Variants in BANK1 observed in about 807,000 individuals in gnomAD.
BANK1 encodes the protein B-cell scaffold protein with ankyrin repeats.
In BANK1, 95 loss-of-function variants were observed where a neutral mutation model predicts 94.5. That is an observed-to-expected ratio of 1.00 (90% CI 0.85 to 1.19). The LOEUF (loss-of-function observed/expected upper bound fraction) is 1.19. Among genes scored for constraint, BANK1 ranks in the 50% most tolerant of loss-of-function variants. The pLI is 0.00. For missense variants in BANK1, 987 were observed against 932.2 expected, an observed-to-expected ratio of 1.06 and a Z score of -0.77; for synonymous variants, 334 against 308.4, an observed-to-expected ratio of 1.08 and a Z score of -0.87.
chr4:102,073,077 A>G (rs1365701878), intron 15 of BANK1, among the ~76,000 whole-genome samples: 1 of 152,004 alleles, frequency 6.6e-6, no homozygotes, highest in Non-Finnish European at 1.5e-5. Flanking sequence ...TAATGAACGA[A>G]TTTTAATTTT....
At chr4:101,974,793 C>CAA (rs5860706) in intron 7 of BANK1, among the ~76,000 whole-genome samples, 9 of 146,498 alleles carry the variant, frequency 6.1e-5, no homozygotes, top group African/African-American at 1.5e-4. Flanking sequence ...ACTAAAAATA[C>CAA]AAAAAAAAAA....
chr4:101,943,692 G>A (rs1723827469), intron 7 of BANK1, among the ~76,000 whole-genome samples: 2 of 151,826 alleles, frequency 1.3e-5, no homozygotes, highest in Non-Finnish European at 1.5e-5. Context: ...TAGAGGTATA[G>A]TGGATATAGT....
chr4:102,030,290 C>G lies in BANK1; in HGVS notation c.1900+25C>G, dbSNP rs561305675. On this transcript the variant is annotated intron_variant, in intron 10 of 16. Transcript: ENST00000322953. The stretch of plus-strand genomic sequence containing the variant: ...GGTAATTATCATTGTTGTTTGTTTA[C>G]TTGTTAATTTTTTTTGTCCAAAATT... 8 of 1,532,310 alleles carry G rather than the reference C, an allele frequency of 5.2e-6. No homozygotes were observed. The African/African-American group carries it at 8.4e-5, about 16-fold the overall frequency. 94.9% of individuals were successfully genotyped at this position (1,532,310 alleles called of 1,614,324 possible). A position where few individuals can be genotyped will look rare whatever the true frequency, so the allele number is the denominator to read the frequency against.
At chr4:101,903,175 T>A (rs1722337090) in intron 6 of BANK1, among the ~76,000 whole-genome samples, 1 of 152,214 alleles carries the variant, frequency 6.6e-6, no homozygotes, top group Admixed American at 6.5e-5. Context: ...TCTCAGCACC[T>A]TCAATTGGTT....
chr4:101,983,708 T>G (rs1725392691), intron 7 of BANK1, among the ~76,000 whole-genome samples: 1 of 152,076 alleles, frequency 6.6e-6, no homozygotes, highest in Admixed American at 6.6e-5. Context: ...AAGGATTTTT[T>G]GGAAGAAGGG....
chr4:101,841,617 TTTATTATTA>T (rs34130720), intron 2 of BANK1, among the ~76,000 whole-genome samples: 10 of 149,786 alleles, frequency 6.7e-5, no homozygotes, highest in South Asian at 2.1e-4. Flanking sequence ...GTAATAATCT[TTTATTATTA>T]TTATTATTAT....
At chr4:101,909,327 G>C (rs1722577540) in intron 6 of BANK1, among the ~76,000 whole-genome samples, 1 of 152,142 alleles carries the variant, frequency 6.6e-6, no homozygotes, top group African/African-American at 2.4e-5. Flanking sequence ...TCACTCATAG[G>C]TGAGAATTGA....
intron 7 of BANK1, among the ~76,000 whole-genome samples, chr4:101,950,015 A>AGG (rs1466637814): frequency 3.8e-5 from 5 of 131,758 alleles, no homozygotes; most frequent in African/African-American, 5.9e-5. Context: ...TAAGGAAGTA[A>AGG]GGGGTGTGTG....
intron 1 of BANK1, among the ~76,000 whole-genome samples, chr4:101,813,532 C>A (rs73836603): frequency 3.0e-4 from 45 of 152,286 alleles, no homozygotes; most frequent in African/African-American, 1.0e-3. Flanking sequence ...TAATCCTTTC[C>A]TGAACCCCAA....
chr4:101,829,619 C>G lies in BANK1; in HGVS notation c.71-189C>G, dbSNP rs150053108. ...ATATCATTCTTTTTAAAATTTAAATCAACTTGTCTTTGAATTCTAGTTTTA... is the reference window on the plus strand; with the variant it reads ...ATATCATTCTTTTTAAAATTTAAATGAACTTGTCTTTGAATTCTAGTTTTA... On this transcript the variant is annotated intron_variant, in intron 1 of 16. Transcript: ENST00000322953. 3.0e-3 allele frequency among the ~76,000 whole-genome samples: 462 copies of G among 151,714 alleles called. 2 individuals are homozygous for G. Among genetic ancestry groups the G allele is most frequent in the African/African-American group, 0.011 (437 of 41,392 alleles).
At chr4:101,847,133 A>G (rs186122615) in intron 2 of BANK1, among the ~76,000 whole-genome samples, 1 of 152,152 alleles carries the variant, frequency 6.6e-6, no homozygotes, top group African/African-American at 2.4e-5. Context: ...GTTGGCTGGT[A>G]AATATTTGTT....
intron 2 of BANK1, among the ~76,000 whole-genome samples, chr4:101,839,937 A>ATTTTTTTTTTTTTTTTTTTTTTTTTTT (rs70964197): frequency 1.9e-5 from 1 of 53,090 alleles, no homozygotes; most frequent in African/African-American, 7.5e-5. Flanking sequence ...CAAATATTTA[A>ATTTTTTTTTTTTTTTTTTTTTTTTTTT]TTTTTTTTTT....
intron 7 of BANK1, among the ~76,000 whole-genome samples, chr4:101,977,355 A>C (rs1282909357): frequency 6.6e-6 from 1 of 152,156 alleles, no homozygotes; most frequent in East Asian, 1.9e-4. Flanking sequence ...AGGAGAGAGA[A>C]GTGTAGTCCA....
chr4:102,032,845 A>T (rs560304070), intron 10 of BANK1, among the ~76,000 whole-genome samples: 16 of 151,566 alleles, frequency 1.1e-4, no homozygotes, highest in African/African-American at 3.6e-4. Flanking sequence ...ACATCGCACC[A>T]CTCCACTCCA....
At position 101,944,039 on chromosome 4, in the gene BANK1, TGA is replaced by T. The variant is rs796144955; in HGVS notation, c.1206+25875_1206+25876del. ...GTGTGTGTTTGTGTGTGTGTGTGTG[TGA>T]GAGAGAGAGAGAGAGAGAGAGAGAC... On this transcript the variant is annotated intron_variant, in intron 7 of 16. Coordinates refer to ENST00000322953, the MANE Select transcript of BANK1 (RefSeq NM_017935.5). Among the ~76,000 whole-genome samples, 570 of 126,788 alleles carry T rather than the reference TGA, an allele frequency of 4.5e-3. 3 individuals are homozygous for T. The highest frequency in any genetic ancestry group is 0.014 in the African/African-American group (504 of 35,268). The allele number at this position is 126,788 out of a possible 152,430, so 83.2% of individuals were successfully genotyped here.
intron 7 of BANK1, among the ~76,000 whole-genome samples, chr4:101,980,492 C>T (rs374552770): frequency 1.3e-5 from 2 of 151,352 alleles, no homozygotes; most frequent in Non-Finnish European, 3.0e-5. Flanking sequence ...ATAAATGAGT[C>T]GTGACAGTGT....
chr4:102,074,441 G>A lies in BANK1; in HGVS notation c.*442G>A, dbSNP rs1421343666. 2.0e-5 allele frequency: 3 copies of A among 151,794 alleles called. No individual in the cohort carries two copies. The East Asian group carries it at 5.8e-4, about 29-fold the overall frequency. 9.4% of individuals were successfully genotyped at this position (151,794 alleles called of 1,614,324 possible). The stretch of plus-strand genomic sequence containing the variant: ...GCACATTTTTGCTTTTTAAGTAGCT[G>A]GTTCATTTTCTGAATTTCTCACATT... On this transcript the variant is annotated 3_prime_UTR_variant, in exon 17 of 17. Coordinates refer to ENST00000322953, the MANE Select transcript of BANK1 (RefSeq NM_017935.5).
intron 1 of BANK1, among the ~76,000 whole-genome samples, chr4:101,819,248 C>T (rs1726041893): frequency 6.6e-6 from 1 of 151,986 alleles, no homozygotes; most frequent in Non-Finnish European, 1.5e-5. Context: ...ATTATTTTTT[C>T]CCTAGTACAC....
intron 1 of BANK1, among the ~76,000 whole-genome samples, chr4:101,807,927 A>T (rs1725614035): frequency 6.6e-6 from 1 of 151,828 alleles, no homozygotes; most frequent in African/African-American, 2.4e-5. Context: ...CTAAAAATAA[A>T]AAAAAAAATT....
Sources: allele counts gnomAD v4.1 joint callset (sites outside exome capture counted in the v4.1 genomes callset), GRCh38; gene constraint gnomAD v4.1.1; transcripts MANE v1.5; gene names NCBI Gene and HGNC (gene_info 2026-07-23, HGNC 2026-07-21).